The following PARD3B variants were observed in gnomAD, a reference collection of about 807,000 sequenced individuals.
PARD3B encodes the protein par-3 family cell polarity regulator beta.
In PARD3B, 103 loss-of-function variants were observed where a neutral mutation model predicts 130.2. The ratio of observed to expected loss-of-function variants is 0.79; its 90% CI spans 0.67 to 0.93. PARD3B has a LOEUF of 0.93. Among genes scored for constraint, PARD3B ranks in the 40% least tolerant of loss-of-function variants. The pLI, the probability that PARD3B is intolerant of heterozygous loss-of-function variation, is 0.00. For synonymous variants in PARD3B, 583 were observed against 553.2 expected (o/e 1.05, Z -0.76); for missense variants, 1,609 against 1,499.2 (o/e 1.07, Z -1.21).
intron 2 of PARD3B, among the ~76,000 whole-genome samples, chr2:204,735,316 T>TG (rs2039696204): frequency 6.6e-6 from 1 of 150,686 alleles, no homozygotes; most frequent in Admixed American, 6.6e-5. Flanking sequence ...GACCACCTGA[T>TG]ATCACGTGTT....
intron 2 of PARD3B, among the ~76,000 whole-genome samples, chr2:204,888,505 G>A (rs2046337061): frequency 1.3e-5 from 2 of 152,114 alleles, no homozygotes; most frequent in South Asian, 2.1e-4. Context: ...GCCAAGCCAG[G>A]CAGATCTCTT....
chr2:205,162,704 G>C (rs1003335380), intron 11 of PARD3B, among the ~76,000 whole-genome samples: 8 of 152,160 alleles, frequency 5.3e-5, no homozygotes, highest in Non-Finnish European at 8.8e-5. Flanking sequence ...TGCTGTTGCT[G>C]TTCAATAAAA....
chr2:204,826,615 T>C (rs1273219618), intron 2 of PARD3B, among the ~76,000 whole-genome samples: 1 of 152,234 alleles, frequency 6.6e-6, no homozygotes, highest in Admixed American at 6.5e-5. Flanking sequence ...TGATAGATAG[T>C]ATCTTTTCTC....
At chr2:205,579,840 G>C (rs1330606437) in intron 22 of PARD3B, among the ~76,000 whole-genome samples, 2 of 152,154 alleles carry the variant, frequency 1.3e-5, no homozygotes, top group Non-Finnish European at 2.9e-5. Context: ...TTTTGAGGGA[G>C]TAATAATAGC....
intron 18 of PARD3B, among the ~76,000 whole-genome samples, chr2:205,308,420 C>T (rs1449317727): frequency 6.6e-6 from 1 of 152,022 alleles, no homozygotes; most frequent in Non-Finnish European, 1.5e-5. Flanking sequence ...TCCTGGCTAA[C>T]ATGGTGAAAC....
At chr2:205,336,422 C>T (rs1559675653) in intron 18 of PARD3B, among the ~76,000 whole-genome samples, 1 of 152,222 alleles carries the variant, frequency 6.6e-6, no homozygotes, top group Non-Finnish European at 1.5e-5. Flanking sequence ...CCAGGGGCAA[C>T]ATTTATGCGA....
intron 3 of PARD3B, among the ~76,000 whole-genome samples, chr2:204,990,923 C>T (rs978191533): frequency 2.6e-5 from 4 of 152,074 alleles, no homozygotes; most frequent in African/African-American, 9.7e-5. Context: ...GCTTTTCCAC[C>T]ATACACGTGA....
intron 1 of PARD3B, among the ~76,000 whole-genome samples, chr2:204,651,289 A>G (rs1431080520): frequency 2.0e-5 from 3 of 152,226 alleles, no homozygotes; most frequent in Non-Finnish European, 4.4e-5. Flanking sequence ...GTTACTTCCA[A>G]TACAATGGGG....
intron 2 of PARD3B, among the ~76,000 whole-genome samples, chr2:204,955,580 T>C (rs1690168573): frequency 6.6e-6 from 1 of 152,226 alleles, no homozygotes; most frequent in Admixed American, 6.5e-5. Flanking sequence ...AGGAATTTTT[T>C]CCCATGTGCC....
At chr2:205,045,970 C>G (rs1698747397) in intron 3 of PARD3B, among the ~76,000 whole-genome samples, 1 of 152,048 alleles carries the variant, frequency 6.6e-6, no homozygotes, top group African/African-American at 2.4e-5. Context: ...TTCTCCCATT[C>G]AAGATTATCA....
intron 3 of PARD3B, among the ~76,000 whole-genome samples, chr2:205,019,969 G>C (rs1442785792): frequency 6.6e-6 from 1 of 152,128 alleles, no homozygotes; most frequent in African/African-American, 2.4e-5. Context: ...AAAGGCAGGG[G>C]TGTGTTTGTG....
At chr2:204,715,732 C>T (rs920940938) in intron 2 of PARD3B, among the ~76,000 whole-genome samples, 4 of 152,176 alleles carry the variant, frequency 2.6e-5, no homozygotes, top group African/African-American at 9.7e-5. Context: ...CATCTGCTTA[C>T]TGCTGACCTT....
At chr2:204,852,048 C>G (rs1036448766) in intron 2 of PARD3B, among the ~76,000 whole-genome samples, 1 of 152,134 alleles carries the variant, frequency 6.6e-6, no homozygotes, top group Non-Finnish European at 1.5e-5. Context: ...GGTATGAAAT[C>G]ACTACAACTC....
chr2:205,498,103 G>T (rs922612504), intron 20 of PARD3B, among the ~76,000 whole-genome samples: 1 of 151,408 alleles, frequency 6.6e-6, no homozygotes, highest in Non-Finnish European at 1.5e-5. Flanking sequence ...TGGATGCTGA[G>T]ACAGGAGAAT....
At chr2:205,213,793 ACCAAAC>A in intron 15 of PARD3B, among the ~76,000 whole-genome samples, 1 of 152,268 alleles carries the variant, frequency 6.6e-6, no homozygotes, top group South Asian at 2.1e-4. Flanking sequence ...TAAGGAAGGA[ACCAAAC>A]ACAGGAAATA....
intron 1 of PARD3B, among the ~76,000 whole-genome samples, chr2:204,625,326 T>C (rs568510330): frequency 2.1e-4 from 32 of 152,206 alleles, no homozygotes; most frequent in African/African-American, 7.2e-4. Context: ...CTACTGAAGC[T>C]TGGGCATCGG....
intron 2 of PARD3B, among the ~76,000 whole-genome samples, chr2:204,722,353 C>T (rs1379585314): frequency 6.6e-6 from 1 of 152,102 alleles, no homozygotes; most frequent in Non-Finnish European, 1.5e-5. Flanking sequence ...TATCTTGGGA[C>T]TAGTTTATCT....
chr2:204,755,295 C>T (rs180938472), intron 2 of PARD3B, among the ~76,000 whole-genome samples: 101 of 152,172 alleles, frequency 6.6e-4, no homozygotes, highest in African/African-American at 2.2e-3. Flanking sequence ...CTACTGACCC[C>T]CTAGTCACCT....
intron 18 of PARD3B, among the ~76,000 whole-genome samples, chr2:205,350,828 G>A (rs911591709): frequency 2.0e-5 from 3 of 152,008 alleles, no homozygotes; most frequent in Admixed American, 6.6e-5. Flanking sequence ...TTGTGTTAAA[G>A]TATACATACT....
Sources: allele counts gnomAD v4.1 joint callset (sites outside exome capture counted in the v4.1 genomes callset), GRCh38; gene constraint gnomAD v4.1.1; transcripts MANE v1.5; gene names NCBI Gene and HGNC (gene_info 2026-07-23, HGNC 2026-07-21).